Variants in PEX1 observed in about 807,000 individuals in gnomAD.
PEX1 encodes peroxisomal biogenesis factor 1.
In PEX1, 97 loss-of-function variants were observed where a neutral mutation model predicts 152.5. That is an observed-to-expected ratio of 0.64 (90% CI 0.54 to 0.75). The LOEUF is 0.75. Ranked by LOEUF, PEX1 falls within the 30% of genes least tolerant of loss-of-function variation. The probability of loss-of-function intolerance (pLI) is 0.00; values close to 1 mark genes in which losing one functional copy is unlikely to be tolerated. For missense variants in PEX1, 1,357 were observed against 1,516.3 expected, an observed-to-expected ratio of 0.89 and a Z score of 1.74; for synonymous variants, 485 against 531.6, an observed-to-expected ratio of 0.91 and a Z score of 1.21.
intron 6 of PEX1, among the ~76,000 whole-genome samples, chr7:92,512,503 T>C (rs1792523802): frequency 6.6e-6 from 1 of 151,998 alleles, no homozygotes; most frequent in Non-Finnish European, 1.5e-5. Flanking sequence ...TTATTTTTAC[T>C]TTTTTTGAAA....
Position 92,492,934 on chromosome 7 carries a change from A to C in PEX1, c.3207+19T>G. 1 of 1,596,112 alleles carries C rather than the reference A, an allele frequency of 6.3e-7. No individual in the cohort carries two copies. The highest frequency in any genetic ancestry group is 8.6e-7 in the Non-Finnish European group (1 of 1,163,722). On this transcript the variant is annotated intron_variant, in intron 20 of 23. Coordinates refer to ENST00000248633, the MANE Select transcript of PEX1 (RefSeq NM_000466.3). The stretch of plus-strand genomic sequence containing the variant: ...TTATCACTCATAAAATGTCATAACA[A>C]CTTCCTCATATAACTTGCCTGGAGT...
chr7:92,504,991 A>G lies in PEX1; in HGVS notation c.1901-89T>C, dbSNP rs28617569. ...CTTTTGAAAGCACTAGAAAAGCTCGATATTGATTTAACTATAAAAATTTGA... is the reference window on the plus strand; with the variant it reads ...CTTTTGAAAGCACTAGAAAAGCTCGGTATTGATTTAACTATAAAAATTTGA... On this transcript the variant is annotated intron_variant, in intron 11 of 23. Coordinates refer to ENST00000248633, the MANE Select transcript of PEX1 (RefSeq NM_000466.3). The G allele has an allele frequency of 3.2e-3, 3,011 of 927,678 alleles. 63 individuals carry two copies. The African/African-American group carries it at 0.044, about 14-fold the overall frequency. The allele number at this position is 927,678 out of a possible 1,614,324, so 57.5% of individuals were successfully genotyped here.
rs67750906 is a variant in PEX1, at chr7:92,515,067, CTATATATATATATATA to C, written c.1240-1116_1240-1101del. On this transcript the variant is annotated intron_variant, in intron 5 of 23. Transcript: ENST00000248633. ...GTCTCAAGAAAAAAAAAAAAATTAT[CTATATATATATATATA>C]TATATATATATATATATATATATAT... is the stretch of plus-strand genomic sequence containing the variant. 3.4e-3 allele frequency among the ~76,000 whole-genome samples: 425 copies of C among 124,944 alleles called. 2 individuals are homozygous for C. The highest frequency in any genetic ancestry group is 4.6e-3 in the Non-Finnish European group (276 of 60,164). 82.0% of individuals were successfully genotyped at this position (124,944 alleles called of 152,430 possible).
intron 8 of PEX1, among the ~76,000 whole-genome samples, chr7:92,509,700 T>G (rs549476911): frequency 6.6e-6 from 1 of 152,362 alleles, no homozygotes; most frequent in South Asian, 2.1e-4. Context: ...AATTCTTACA[T>G]TTGTATCTTC....
At chr7:92,518,397 T>C (rs1792903844) in intron 3 of PEX1, 142 bp from the exon 4 acceptor site, 4 of 660,814 alleles carry the variant, frequency 6.1e-6, no homozygotes, top group Admixed American at 4.7e-5. Context: ...ATGAGCTACA[T>C]ATAGATAGTA....
chr7:92,518,160 C>T lies in PEX1; in HGVS notation c.453G>A (p.Thr151=), dbSNP rs368714078. The change falls in exon 4 of 24, where the codon ACG becomes ACA. Residue 151 remains threonine (T), a synonymous_variant. Transcript: ENST00000248633. ...AIFPVWVDQQ[T]YIFIQIVALI... The stretch of plus-strand genomic sequence containing the variant: ...ACCTACCAATTTGGATAAATATGTA[C>T]GTTTGTTGATCAACCCAAACAGGAA... 1.1e-5 allele frequency: 18 copies of T among 1,610,416 alleles called. No individual in the cohort carries two copies. Among genetic ancestry groups the T allele is most frequent in the South Asian group, 5.5e-5 (5 of 90,984 alleles).
In PEX1 at chr7:92,489,789, T is replaced by A. The variant is rs1791179768; in HGVS notation, c.3561A>T (p.Glu1187Asp). 6.2e-7 allele frequency: 1 copy of A among 1,614,128 alleles called. No homozygotes were observed. The highest frequency in any genetic ancestry group is 8.5e-7 in the Non-Finnish European group (1 of 1,180,014). ...LRTASQEGCQ[E>D]LTQEQRDQLR... ...GTTGATCTCTTTGTTCTTGTGTAAGTTCTTGGCAACCCTCTTGTGAAGCTG... is the reference window on the plus strand; with the variant it reads ...GTTGATCTCTTTGTTCTTGTGTAAGATCTTGGCAACCCTCTTGTGAAGCTG... Residue 1187 changes from glutamate to aspartate, a missense_variant, in exon 22 of 24, where the codon GAA becomes GAT. Physicochemically the swap from Glu to Asp is conservative, Grantham distance 45. Coordinates refer to ENST00000248633, the MANE Select transcript of PEX1 (RefSeq NM_000466.3).
intron 23 of PEX1, among the ~76,000 whole-genome samples, 188 bp downstream of exon 23, chr7:92,489,105 C>T (rs954122940): frequency 2.6e-5 from 4 of 152,208 alleles, no homozygotes; most frequent in Non-Finnish European, 4.4e-5. Context: ...TTAATGAAAA[C>T]TCAATTTTGA....
In PEX1 at chr7:92,499,791, T is replaced by A; in HGVS notation, c.2631A>T (p.Ile877=). The change falls in exon 16 of 24, where the codon ATA becomes ATT. Residue 877 remains isoleucine, a synonymous_variant. Coordinates refer to ENST00000248633, the MANE Select transcript of PEX1 (RefSeq NM_000466.3). ...CTGTTCCAGGCGGACCATACAACAG[T>A]ATTCCTGTTCTTTGTCGTATGGGCA... ...ANLPIRQRTG[I]LLYGPPGTGK... 1.2e-6 allele frequency: 2 copies of A among 1,610,732 alleles called. No individual in the cohort carries two copies. The highest frequency in any genetic ancestry group is 1.7e-6 in the Non-Finnish European group (2 of 1,177,052).
chr7:92,497,792 G>A (rs748062929), intron 16 of PEX1, among the ~76,000 whole-genome samples: 25 of 152,066 alleles, frequency 1.6e-4, no homozygotes, highest in Non-Finnish European at 3.1e-4. Flanking sequence ...AGGCAAGACC[G>A]GGCACGGTGG....
chr7:92,509,446 A>C (rs768875463), intron 8 of PEX1, 35 bp from the exon 9 acceptor site: 23 of 1,453,912 alleles, frequency 1.6e-5, no homozygotes, highest in Non-Finnish European at 2.2e-5. Context: ...TTTACATTTC[A>C]AAGTATGTCT....
chr7:92,496,584 A>G (rs900188403), intron 17 of PEX1, 129 bp downstream of exon 17: 3 of 750,906 alleles, frequency 4.0e-6, no homozygotes, highest in African/African-American at 1.7e-5. Context: ...CACGTCCTCT[A>G]GCTTATTAAT....
intron 1 of PEX1, among the ~76,000 whole-genome samples, chr7:92,527,906 A>G (rs1793365197): frequency 6.6e-6 from 1 of 152,260 alleles, no homozygotes; most frequent in East Asian, 1.9e-4. Context: ...GGCTCCGCCA[A>G]CAACTCTGCG....
rs773127727 is a variant in PEX1 at position 92,487,416 on chromosome 7, A to C, written c.*41T>G. 1 of 1,044,134 alleles carries C rather than the reference A, an allele frequency of 9.6e-7. No individual in the cohort carries two copies. The highest frequency in any genetic ancestry group is 1.5e-6 in the Non-Finnish European group (1 of 676,934). The allele number at this position is 1,044,134 out of a possible 1,614,324, so 64.7% of individuals were successfully genotyped here. A position where few individuals can be genotyped will look rare whatever the true frequency, so the allele number is the denominator to read the frequency against. On this transcript the variant is annotated 3_prime_UTR_variant, in exon 24 of 24. Transcript: ENST00000248633. ...TCCTGTTACAACATATGGAAAAGCCATCAAAAAACTTAACAGAACCAAATC... is the reference window on the plus strand; with the variant it reads ...TCCTGTTACAACATATGGAAAAGCCCTCAAAAAACTTAACAGAACCAAATC...
At chr7:92,502,993 T>C (rs749575973) in intron 13 of PEX1, 48 bp downstream of exon 13, 1 of 1,509,174 alleles carries the variant, frequency 6.6e-7, no homozygotes, top group African/African-American at 1.4e-5. Context: ...GAAAAATAAT[T>C]TCTATAAAAG....
intron 2 of PEX1, among the ~76,000 whole-genome samples, chr7:92,519,945 T>G (rs952857535): frequency 1.1e-4 from 17 of 152,066 alleles, no homozygotes; most frequent in Middle Eastern, 3.2e-3. Context: ...GGAGCAGGAT[T>G]TCCCTGAGTG....
At chr7:92,491,789 T>C (rs994891550) in intron 20 of PEX1, among the ~76,000 whole-genome samples, 2 of 152,216 alleles carry the variant, frequency 1.3e-5, no homozygotes, top group Non-Finnish European at 2.9e-5. Flanking sequence ...TCTCTGACTT[T>C]CCATTCATAC....
At position 92,519,088 on chromosome 7, in the gene PEX1, A is replaced by G. The variant is rs752047121; in HGVS notation, c.274-10T>C. On this transcript the variant is annotated splice_polypyrimidine_tract_variant and intron_variant, in intron 2 of 23. Coordinates refer to ENST00000248633, the MANE Select transcript of PEX1 (RefSeq NM_000466.3). Reference sequence around the variant, plus strand: ...ATGGCTTGAGAAATACCTAGAAAAAATTAAAAATTTAAAACTACTTTAAAA... The same window carrying G: ...ATGGCTTGAGAAATACCTAGAAAAAGTTAAAAATTTAAAACTACTTTAAAA... The G allele has an allele frequency of 2.0e-6, 3 of 1,520,864 alleles. No individual in the cohort carries two copies. Among genetic ancestry groups the G allele is most frequent in the Non-Finnish European group, 2.7e-6 (3 of 1,097,114 alleles). The allele number at this position is 1,520,864 out of a possible 1,614,324, so 94.2% of individuals were successfully genotyped here. A position where few individuals can be genotyped will look rare whatever the true frequency, so the allele number is the denominator to read the frequency against.
intron 21 of PEX1, 112 bp from the exon 22 acceptor site, chr7:92,490,023 A>G: frequency 1.2e-6 from 1 of 844,598 alleles, no homozygotes; most frequent in South Asian, 1.5e-5. Flanking sequence ...ATTAACATAG[A>G]TAAGTATACA....
Sources: allele counts gnomAD v4.1 joint callset (sites outside exome capture counted in the v4.1 genomes callset), GRCh38; gene constraint gnomAD v4.1.1; transcripts MANE v1.5; gene names NCBI Gene and HGNC (gene_info 2026-07-23, HGNC 2026-07-21).